The following TDRD9 variants were observed in gnomAD, a reference collection of about 807,000 sequenced individuals.
TDRD9 encodes the protein tudor domain containing 9, also known as ATP-dependent RNA helicase TDRD9.
Under a neutral mutation model 172.6 loss-of-function variants are expected in TDRD9, and 124 were observed. The ratio of observed to expected loss-of-function variants is 0.72; its 90% CI spans 0.62 to 0.83. The LOEUF is 0.83. Ranked by LOEUF, TDRD9 falls within the 40% of genes least tolerant of loss-of-function variation. TDRD9 has a pLI of 0.00. For synonymous variants in TDRD9, 619 were observed against 617.1 expected (o/e 1.00, Z -0.05); for missense variants, 1,479 against 1,714.1 (o/e 0.86, Z 2.42).
chr14:104,001,355 C>T (rs184833136), intron 13 of TDRD9, among the ~76,000 whole-genome samples: 2 of 152,298 alleles, frequency 1.3e-5, no homozygotes, highest in East Asian at 3.9e-4. Flanking sequence ...TTTCCACTTA[C>T]CATAGTGTTC....
intron 25 of TDRD9, among the ~76,000 whole-genome samples, chr14:104,025,325 A>G (rs1001062279): frequency 2.0e-5 from 3 of 152,226 alleles, no homozygotes; most frequent in Admixed American, 2.0e-4. Context: ...TGTAAGAATG[A>G]GTCTTGTACC....
At chr14:104,049,574 A>G in intron 34 of TDRD9, 34 bp from the exon 35 acceptor site, 1 of 1,490,236 alleles carries the variant, frequency 6.7e-7, no homozygotes, top group Non-Finnish European at 9.1e-7. Flanking sequence ...TTACTAATAT[A>G]TAATTAAGAT....
chr14:104,050,463 G>T (rs1274097027), intron 35 of TDRD9, among the ~76,000 whole-genome samples: 1 of 152,156 alleles, frequency 6.6e-6, no homozygotes, highest in African/African-American at 2.4e-5. Flanking sequence ...AATAAAATGT[G>T]ATTTCAGAGA....
intron 34 of TDRD9, among the ~76,000 whole-genome samples, chr14:104,047,042 G>C (rs185481798): frequency 1.1e-4 from 17 of 152,260 alleles, no homozygotes; most frequent in African/African-American, 3.9e-4. Flanking sequence ...ATCCTTGTTG[G>C]AATTGTGGTA....
chr14:103,978,655 C>T (rs1053479526), intron 7 of TDRD9, among the ~76,000 whole-genome samples: 1 of 152,104 alleles, frequency 6.6e-6, no homozygotes, highest in African/African-American at 2.4e-5. Context: ...TGATGTTTTT[C>T]TCATGGTTAA....
Position 104,026,740 on chromosome 14 carries a change from A to G in TDRD9, c.3083A>G (p.His1028Arg), listed in dbSNP as rs745613752. Residue 1028 changes from histidine to arginine, a missense_variant, in exon 28 of 36, where the codon CAC (histidine) becomes CGC (arginine). His to Arg is a conservative substitution (Grantham distance 29). This residue lies in a region of TDRD9 where 1,413 missense variants were observed against 1,649.1 expected (regional missense o/e 0.86). Coordinates refer to ENST00000409874, the MANE Select transcript of TDRD9 (RefSeq NM_153046.3). The part of the protein sequence containing the change: ...PSAKSLVCGK[H>R]WSDGASQWFA... ...GCAAAGTCTCTTGTTTGTGGCAAGC[A>G]CTGGAGTGACGGGGCCAGCCAGTGG... 3.7e-6 allele frequency: 6 copies of G among 1,614,022 alleles called. No individual in the cohort carries two copies. Among genetic ancestry groups the G allele is most frequent in the Admixed American group, 1.7e-5 (1 of 60,022 alleles).
intron 2 of TDRD9, among the ~76,000 whole-genome samples, chr14:103,957,520 T>C (rs1295517357): frequency 6.6e-6 from 1 of 152,246 alleles, no homozygotes; most frequent in Non-Finnish European, 1.5e-5. Flanking sequence ...TATAAGAATG[T>C]TTATTGAATT....
intron 7 of TDRD9, among the ~76,000 whole-genome samples, chr14:103,978,784 T>C (rs2033357355): frequency 6.6e-6 from 1 of 152,200 alleles, no homozygotes; most frequent in African/African-American, 2.4e-5. Context: ...GTTTAATGTT[T>C]TTTTTAATTA....
intron 1 of TDRD9, among the ~76,000 whole-genome samples, chr14:103,932,157 G>A (rs2030431306): frequency 6.6e-6 from 1 of 152,176 alleles, no homozygotes; most frequent in African/African-American, 2.4e-5. Flanking sequence ...TAATTAATTT[G>A]CCTTGTTTGA....
intron 2 of TDRD9, among the ~76,000 whole-genome samples, chr14:103,962,115 T>C (rs1370873132): frequency 6.6e-6 from 1 of 152,216 alleles, no homozygotes; most frequent in African/African-American, 2.4e-5. Flanking sequence ...GCAGGGCATG[T>C]TTTTACAAGA....
intron 5 of TDRD9, among the ~76,000 whole-genome samples, chr14:103,968,876 G>A (rs1249578771): frequency 1.5e-4 from 22 of 149,298 alleles, no homozygotes; most frequent in Admixed American, 2.7e-4. Context: ...CGAGGTGGGC[G>A]GATCACCAGG....
At chr14:103,992,720 G>A (rs1179512259) in intron 9 of TDRD9, among the ~76,000 whole-genome samples, 2 of 151,960 alleles carry the variant, frequency 1.3e-5, no homozygotes, top group African/African-American at 4.8e-5. Context: ...TCAGGAGATC[G>A]AGACCATCCT....
In TDRD9 at chr14:104,026,063, A is replaced by G; in HGVS notation, c.2948A>G (p.Tyr983Cys). The G allele has an allele frequency of 1.2e-6, 2 of 1,608,780 alleles. No individual in the cohort carries two copies. Among genetic ancestry groups the G allele is most frequent in the South Asian group, 1.1e-5 (1 of 90,952 alleles). The change falls in exon 27 of 36, where the codon TAT becomes TGT. Residue 983 changes from tyrosine to cysteine, a missense_variant. This residue lies in a region of TDRD9 where 1,413 missense variants were observed against 1,649.1 expected (regional missense o/e 0.86). Transcript: ENST00000409874. ...ATTTTCTAGGTATTCTTTGTAGATT[A>G]TGGCAATAAGTCTCATGTAGATCTA... is the stretch of plus-strand genomic sequence containing the variant. The part of the protein sequence containing the change: ...GNSAEVFFVD[Y>C]GNKSHVDLHL...
At chr14:103,938,702 G>T (rs1460455778) in intron 1 of TDRD9, among the ~76,000 whole-genome samples, 3 of 151,866 alleles carry the variant, frequency 2.0e-5, no homozygotes, top group Non-Finnish European at 4.4e-5. Context: ...CTCCCAAAGT[G>T]CTGGGATTAC....
At chr14:103,967,347 C>CAAAAAAAAAAAAAAAAAAA (rs11444885) in intron 5 of TDRD9, among the ~76,000 whole-genome samples, 2 of 49,732 alleles carry the variant, frequency 4.0e-5, no homozygotes, top group African/African-American at 9.7e-5. Context: ...ACTAAAAATA[C>CAAAAAAAAAAAAAAAAAAA]AAAAAAAAAA....
In TDRD9 at chr14:103,982,324, C is replaced by T. The variant is rs551127485; in HGVS notation, c.1012-3893C>T. Among the ~76,000 whole-genome samples, 4 of 152,312 alleles carry T rather than the reference C, an allele frequency of 2.6e-5. No individual in the cohort carries two copies. The South Asian group carries it at 8.3e-4, about 32-fold the overall frequency. On this transcript the variant is annotated intron_variant, in intron 7 of 35. Transcript: ENST00000409874. ...ACTCTCTCATTCTCTACTTTTCTAC[C>T]TCCCGCAGGCAATTCATTTATTGCA...
intron 9 of TDRD9, among the ~76,000 whole-genome samples, chr14:103,993,025 C>T (rs1449409910): frequency 1.3e-5 from 2 of 151,154 alleles, no homozygotes; most frequent in African/African-American, 4.9e-5. Flanking sequence ...GGCTGGAGTA[C>T]AGTGGTGTGA....
Position 104,004,261 on chromosome 14 carries a change from G to C in TDRD9, c.1507G>C (p.Gly503Arg), listed in dbSNP as rs1031497311. Residue 503 changes from glycine (G) to arginine (R), a missense_variant, in exon 14 of 36, where the codon GGG becomes CGG. Around this residue, in one of 3 missense-constraint regions of TDRD9, gnomAD observed 1,413 missense variants for 1,649.1 expected, o/e 0.86. Transcript: ENST00000409874. ...RKGRAGRVSR[G>R]YCYRLVHKDF... ...AGGCCGTGCTGGACGAGTGTCTAGA[G>C]GGTACTGTTACCGGCTGGTACACAA... is the stretch of plus-strand genomic sequence containing the variant. 1.9e-6 allele frequency: 3 copies of C among 1,601,446 alleles called. No individual in the cohort carries two copies. The highest frequency in any genetic ancestry group is 2.7e-5 in the African/African-American group (2 of 74,798).
intron 32 of TDRD9, among the ~76,000 whole-genome samples, chr14:104,035,360 A>T (rs543089740): frequency 3.3e-5 from 5 of 152,250 alleles, no homozygotes; most frequent in Admixed American, 2.0e-4. Flanking sequence ...ATGGTGATGG[A>T]CATCCCATTG....
Sources: gnomAD v4.1 joint callset for allele counts (sites outside exome capture counted in the v4.1 genomes callset) on GRCh38, gnomAD v4.1.1 for gene constraint, gnomAD v4.1.1 regional missense constraint, MANE v1.5 for transcripts, NCBI Gene and HGNC (gene_info 2026-07-23, HGNC 2026-07-21) for gene names.